LLGL2: variants seen among roughly 807,000 people sequenced by gnomAD.
The protein encoded by LLGL2 is LLGL scribble cell polarity complex component 2, also known as LLGL2, scribble cell polarity complex component.
LLGL2 carries 81 observed loss-of-function variants against 123.2 expected under a neutral mutation model. The observed-to-expected ratio is 0.66, with a 90% confidence interval of 0.55 to 0.79. The LOEUF (loss-of-function observed/expected upper bound fraction) is 0.79. Ranked by LOEUF, LLGL2 falls within the 30% of genes least tolerant of loss-of-function variation. The probability of loss-of-function intolerance (pLI) is 0.00; values close to 1 mark genes in which losing one functional copy is unlikely to be tolerated. For missense variants in LLGL2, 1,273 were observed against 1,414.6 expected (o/e 0.90, Z 1.61); for synonymous variants, 577 against 594.1 (o/e 0.97, Z 0.42).
chr17:75,537,666 C>T (rs1220244439), intron 1 of LLGL2, among the ~76,000 whole-genome samples: 2 of 151,680 alleles, frequency 1.3e-5, no homozygotes, highest in Admixed American at 6.6e-5. Context: ...CACTGCACTT[C>T]AGCCTGGGCG....
chr17:75,572,901 A>G, intron 19 of LLGL2, 113 bp from the exon 20 acceptor site: 1 of 1,298,236 alleles, frequency 7.7e-7, no homozygotes, highest in Admixed American at 2.3e-5. Flanking sequence ...CTGAGAGCCA[A>G]GGGTTTGTCA....
intron 1 of LLGL2, among the ~76,000 whole-genome samples, chr17:75,531,107 C>T (rs894833277): frequency 1.3e-5 from 2 of 152,152 alleles, no homozygotes; most frequent in African/African-American, 4.8e-5. Flanking sequence ...GCAGAGAGCA[C>T]AGGCCTGTGC....
chr17:75,528,919 GAGGCGGAAGC>G (rs993761157), intron 1 of LLGL2, among the ~76,000 whole-genome samples: 69 of 152,272 alleles, frequency 4.5e-4, no homozygotes, highest in African/African-American at 1.6e-3. Context: ...AACACTTTGG[GAGGCGGAAGC>G]AGGCGGATCA....
At chr17:75,563,582 A>G in intron 8 of LLGL2, 119 bp downstream of exon 8, 4 of 1,511,316 alleles carry the variant, frequency 2.6e-6, no homozygotes, top group Admixed American at 3.6e-5. Flanking sequence ...GTCCAAAGCC[A>G]CACAGCAGGG....
intron 2 of LLGL2, among the ~76,000 whole-genome samples, chr17:75,547,409 A>T (rs551059131): frequency 6.6e-6 from 1 of 152,350 alleles, no homozygotes; most frequent in South Asian, 2.1e-4. Context: ...TGTGTAAGAC[A>T]CAGTGGACGC....
intron 7 of LLGL2, 70 bp from the exon 8 acceptor site, chr17:75,563,261 G>C (rs936060): frequency 1.2e-6 from 2 of 1,602,162 alleles, no homozygotes; most frequent in Non-Finnish European, 1.7e-6. Context: ...CAGAGGCATG[G>C]GGTGCAGGCG....
chr17:75,555,225 G>A lies in LLGL2; in HGVS notation c.76-821G>A, dbSNP rs1482621874. ...AAACATTCACAAGTGCAGAAGACTC[G>A]AAGGATGTACACTTAGGTTCTAGCA... On this transcript the variant is annotated intron_variant, in intron 2 of 25. Transcript: ENST00000392550. Among the ~76,000 whole-genome samples the A allele has an allele frequency of 2.0e-5, 3 of 150,440 alleles. No individual in the cohort carries two copies. The South Asian group carries it at 6.3e-4, about 31-fold the overall frequency.
chr17:75,536,306 A>T (rs146433900), intron 1 of LLGL2, among the ~76,000 whole-genome samples: 1 of 152,140 alleles, frequency 6.6e-6, no homozygotes, highest in Non-Finnish European at 1.5e-5. Flanking sequence ...TCTCTTCTCC[A>T]CATTCCTCCC....
chr17:75,535,446 G>T (rs2053964829), intron 1 of LLGL2, among the ~76,000 whole-genome samples: 1 of 152,222 alleles, frequency 6.6e-6, no homozygotes, highest in African/African-American at 2.4e-5. Flanking sequence ...GCTGGGTGTG[G>T]ACTCTCCCAG....
chr17:75,565,361 C>G (rs1379115023), intron 10 of LLGL2, among the ~76,000 whole-genome samples: 3 of 152,202 alleles, frequency 2.0e-5, no homozygotes, highest in Non-Finnish European at 2.9e-5. Context: ...GGCCTGAGGC[C>G]GAAAGGTGAG....
rs1029393434 is a variant in LLGL2, at chr17:75,574,207, T to C, written c.2906-6T>C. On this transcript the variant is annotated splice_region_variant and splice_polypyrimidine_tract_variant and intron_variant, in intron 22 of 25. Coordinates refer to ENST00000392550, the MANE Select transcript of LLGL2 (RefSeq NM_001031803.2). ...GGGGCGCCCTGACCCGGCCTCTACC[T>C]TCCAGAGAAGCAGCCCGGCCTGGTG... is the stretch of plus-strand genomic sequence containing the variant. 2 of 1,532,586 alleles carry C rather than the reference T, an allele frequency of 1.3e-6. No individual in the cohort carries two copies. Among genetic ancestry groups the C allele is most frequent in the African/African-American group, 1.4e-5 (1 of 72,514 alleles). 94.9% of individuals were successfully genotyped at this position (1,532,586 alleles called of 1,614,324 possible).
chr17:75,571,168 A>T (rs1365901421), intron 17 of LLGL2, 68 bp downstream of exon 17: 244 of 1,446,934 alleles, frequency 1.7e-4, no homozygotes, highest in Non-Finnish European at 2.3e-4. Context: ...ACCTGGGGGC[A>T]TGCCGGGGGC....
chr17:75,574,665 G>A lies in LLGL2; in HGVS notation c.3052G>A (p.Gly1018Arg), dbSNP rs1365643920. ...AAVGCSLSNG[G>R]AE ...CGTGGGGTGCAGCCTCAGCAATGGC[G>A]GAGGTGGGGGCTCTGGGCTTGAGTG... Residue 1018 changes from glycine (G) to arginine (R), a missense_variant, in exon 25 of 26, where the codon GGA (glycine) becomes AGA (arginine). Gly to Arg is a moderately radical substitution (Grantham distance 125). Coordinates refer to ENST00000392550, the MANE Select transcript of LLGL2 (RefSeq NM_001031803.2). The A allele has an allele frequency of 5.6e-6, 9 of 1,611,138 alleles. No homozygotes were observed. The highest frequency in any genetic ancestry group is 1.7e-4 in the Middle Eastern group (1 of 5,986).
intron 1 of LLGL2, among the ~76,000 whole-genome samples, chr17:75,531,828 C>T (rs1293607353): frequency 6.6e-6 from 1 of 152,122 alleles, no homozygotes; most frequent in Non-Finnish European, 1.5e-5. Context: ...GCTTTGAATA[C>T]TCACCCCTCT....
At chr17:75,529,183 C>A (rs1052959032) in intron 1 of LLGL2, among the ~76,000 whole-genome samples, 5 of 152,018 alleles carry the variant, frequency 3.3e-5, no homozygotes, top group Non-Finnish European at 7.4e-5. Context: ...AATTATCCCT[C>A]CTGCCTGACA....
intron 1 of LLGL2, among the ~76,000 whole-genome samples, chr17:75,528,642 G>A (rs565626525): frequency 4.4e-4 from 67 of 152,216 alleles, no homozygotes; most frequent in Non-Finnish European, 7.4e-4. Context: ...GGAGGCTGAA[G>A]CAGGAGAATC....
intron 19 of LLGL2, among the ~76,000 whole-genome samples, chr17:75,572,376 G>A (rs967940556): frequency 1.3e-5 from 2 of 150,828 alleles, no homozygotes; most frequent in African/African-American, 2.4e-5. Flanking sequence ...AAAATAGCCC[G>A]GCATGGGCCA....
At chr17:75,538,124 G>A (rs1022455299) in intron 1 of LLGL2, among the ~76,000 whole-genome samples, 1 of 152,148 alleles carries the variant, frequency 6.6e-6, no homozygotes, top group African/African-American at 2.4e-5. Context: ...AAGGGGGGCC[G>A]GGCTGATTGA....
chr17:75,525,273 C>A (rs1446428026), upstream of LLGL2: 1 of 152,076 alleles, frequency 6.6e-6, no homozygotes, highest in South Asian at 2.1e-4. This position sits in a 1 kb window ranked among gnomAD's most constrained non-coding sequence, Gnocchi z 4.8. Flanking sequence ...CCCGGCCCTG[C>A]GTCCCCCGGT....
Sources: allele counts gnomAD v4.1 joint callset (sites outside exome capture counted in the v4.1 genomes callset), GRCh38; gene constraint gnomAD v4.1.1; non-coding constraint Gnocchi (gnomAD v3.1); transcripts MANE v1.5; gene names NCBI Gene and HGNC (gene_info 2026-07-23, HGNC 2026-07-21).